FAM221A: variants seen among roughly 807,000 people sequenced by gnomAD.
FAM221A encodes the protein protein FAM221A.
In FAM221A, 43 loss-of-function variants were observed where a neutral mutation model predicts 37.6. The ratio of observed to expected loss-of-function variants is 1.15; its 90% CI spans 0.90 to 1.48. The LOEUF (loss-of-function observed/expected upper bound fraction) is 1.48, where lower values mean the gene tolerates loss of function less well. Among genes scored for constraint, FAM221A ranks in the 40% most tolerant of loss-of-function variants. The pLI, the probability that FAM221A is intolerant of heterozygous loss-of-function variation, is 0.00. For synonymous variants in FAM221A, 135 were observed against 132.9 expected, an observed-to-expected ratio of 1.02 and a Z score of -0.11; for missense variants, 361 against 361.5, an observed-to-expected ratio of 1.00 and a Z score of 0.01.
intron 6 of FAM221A, among the ~76,000 whole-genome samples, 177 bp from the exon 7 acceptor site, chr7:23,701,919 A>C (rs994285215): frequency 6.6e-6 from 1 of 152,236 alleles, no homozygotes; most frequent in Non-Finnish European, 1.5e-5. Context: ...TGTAAAATTA[A>C]AATAAAACCA....
intron 4 of FAM221A, chr7:23,692,304 T>A: frequency 1.7e-6 from 1 of 604,124 alleles, no homozygotes; most frequent in Non-Finnish European, 2.1e-6. Flanking sequence ...TTTTTTCATT[T>A]AAAAATTACA....
intron 1 of FAM221A, 34 bp downstream of exon 1, chr7:23,680,317 G>A: frequency 2.0e-6 from 3 of 1,502,228 alleles, no homozygotes; most frequent in Non-Finnish European, 2.7e-6. Context: ...CCCCCCCGCC[G>A]CTCCGAGGGG....
Position 23,698,187 on chromosome 7 carries a change from C to T in FAM221A, c.638-5C>T. ...ATTTTTATTCTCCATGTATTGTTTT[C>T]TCAGGTGTACCTTCAGTTGAATTTT... On this transcript the variant is annotated splice_region_variant and splice_polypyrimidine_tract_variant and intron_variant, in intron 4 of 6. Transcript: ENST00000344962. 6.9e-7 allele frequency: 1 copy of T among 1,452,662 alleles called. No homozygotes were observed. 90.0% of individuals were successfully genotyped at this position (1,452,662 alleles called of 1,614,324 possible). A position where few individuals can be genotyped will look rare whatever the true frequency, so the allele number is the denominator to read the frequency against.
intron 3 of FAM221A, 98 bp downstream of exon 3, chr7:23,689,557 G>T (rs1784587293): frequency 1.2e-6 from 1 of 817,856 alleles, no homozygotes; most frequent in Non-Finnish European, 1.8e-6. Flanking sequence ...TTAATATTCA[G>T]TTGTATTAGT....
At chr7:23,698,372 G>A (rs902677674) in intron 5 of FAM221A, 73 bp downstream of exon 5, 6 of 788,412 alleles carry the variant, frequency 7.6e-6, no homozygotes, top group Non-Finnish European at 1.3e-5. Flanking sequence ...TGTTTTCTAG[G>A]CATCTCTCTT....
chr7:23,680,236 G>T lies in FAM221A; in HGVS notation c.18G>T (p.Leu6Phe). MERLTLPLGGAAAVDE... is the reference protein window; with the variant it reads MERLTFPLGGAAAVDE... ...CACCGGCAATGGAGCGGTTGACGTT[G>T]CCTCTCGGCGGCGCGGCGGCGGTGG... The change falls in exon 1 of 7, where the codon TTG becomes TTT. Residue 6 changes from leucine to phenylalanine, a missense_variant. By Grantham distance (22) the Leu-to-Phe change is conservative (BLOSUM62 0). Transcript: ENST00000344962. The T allele has an allele frequency of 6.5e-7, 1 of 1,549,724 alleles. No individual in the cohort carries two copies. The highest frequency in any genetic ancestry group is 8.7e-7 in the Non-Finnish European group (1 of 1,146,148).
chr7:23,689,528 T>C (rs1784584977), intron 3 of FAM221A, 69 bp downstream of exon 3: 6 of 1,183,590 alleles, frequency 5.1e-6, no homozygotes, highest in Admixed American at 2.1e-5. Context: ...TTTAACGTGC[T>C]TTTTTACTGG....
intron 2 of FAM221A, chr7:23,686,985 AT>A (rs1006850318): frequency 6.6e-6 from 1 of 152,158 alleles, no homozygotes; most frequent in African/African-American, 2.4e-5. Context: ...GGATTTCTCC[AT>A]GTTGGTCAGG....
chr7:23,682,526 G>A (rs182639385), intron 1 of FAM221A, among the ~76,000 whole-genome samples: 311 of 151,414 alleles, frequency 2.1e-3, no homozygotes, highest in African/African-American at 5.3e-3. Context: ...CTGCCTCCGT[G>A]GAAGTGATTC....
At position 23,689,227 on chromosome 7, in the gene FAM221A, C is replaced by T. The variant is rs767016135; in HGVS notation, c.240-42C>T. 7.3e-5 allele frequency: 95 copies of T among 1,295,702 alleles called. No individual in the cohort carries two copies. In the East Asian group the frequency reaches 2.2e-3, roughly 30 times the overall value. The allele number at this position is 1,295,702 out of a possible 1,614,324, so 80.3% of individuals were successfully genotyped here. The stretch of plus-strand genomic sequence containing the variant: ...ATAGAAATTGTAATTTTTGATAATA[C>T]CTGTATTGTGTTTATATTTCTCTCT... On this transcript the variant is annotated intron_variant, in intron 2 of 6. Coordinates refer to ENST00000344962, the MANE Select transcript of FAM221A (RefSeq NM_199136.5).
chr7:23,697,561 A>T (rs1036527112), intron 4 of FAM221A, among the ~76,000 whole-genome samples: 23 of 152,254 alleles, frequency 1.5e-4, no homozygotes, highest in African/African-American at 5.1e-4. Flanking sequence ...AAATACACTT[A>T]TTCTACCCTT....
At chr7:23,684,739 A>G (rs1251397253) in intron 2 of FAM221A, 67 bp downstream of exon 2, 12 of 1,358,098 alleles carry the variant, frequency 8.8e-6, no homozygotes, top group Admixed American at 2.4e-5. Context: ...TCTTACTTCT[A>G]CAAATCGTAA....
intron 2 of FAM221A, chr7:23,686,267 C>CA (rs777408375): frequency 2.2e-4 from 88 of 391,114 alleles, no homozygotes; most frequent in African/African-American, 1.7e-3. Flanking sequence ...TCCAACTCAA[C>CA]TTTTTTTTTT....
At chr7:23,697,951 G>A (rs541392917) in intron 4 of FAM221A, among the ~76,000 whole-genome samples, 2 of 151,754 alleles carry the variant, frequency 1.3e-5, no homozygotes, top group South Asian at 2.1e-4. Context: ...GTAGAGATGG[G>A]GTCTCCCTAT....
At chr7:23,680,323 A>G in intron 1 of FAM221A, 40 bp downstream of exon 1, 1 of 1,491,724 alleles carries the variant, frequency 6.7e-7, no homozygotes, top group Non-Finnish European at 9.0e-7. Context: ...CGCCGCTCCG[A>G]GGGGCCAGGA....
In FAM221A at chr7:23,684,499, A is replaced by C; in HGVS notation, c.66A>C (p.Arg22Ser). Residue 22 changes from arginine to serine, a missense_variant and splice_region_variant, in exon 2 of 7, where the codon AGA becomes AGC. Coordinates refer to ENST00000344962, the MANE Select transcript of FAM221A (RefSeq NM_199136.5). ...AGAGAAATATATATTTTTGTTGTAG[A>C]ATTGTTGGTGAGGATGATGGAGGGA... is the stretch of plus-strand genomic sequence containing the variant. Reference protein sequence around the residue: ...AAVDEYLEYRRIVGEDDGGKL... With the variant: ...AAVDEYLEYRSIVGEDDGGKL... 1 of 1,582,064 alleles carries C rather than the reference A, an allele frequency of 6.3e-7. No individual in the cohort carries two copies.
At chr7:23,683,888 A>G (rs929841250) in intron 1 of FAM221A, among the ~76,000 whole-genome samples, 2 of 152,216 alleles carry the variant, frequency 1.3e-5, no homozygotes, top group Non-Finnish European at 2.9e-5. Flanking sequence ...GACCAATTCA[A>G]AATTACATAT....
intron 2 of FAM221A, chr7:23,686,306 C>G: frequency 2.3e-6 from 1 of 431,210 alleles, no homozygotes; most frequent in South Asian, 1.6e-5. Context: ...CTCTGTCACT[C>G]AGGTTGGAGT....
Position 23,680,215 on chromosome 7 carries a change from G to T in FAM221A, c.-4G>T, listed in dbSNP as rs772958917. ...CAGGGAAGCCTTTGGCTTCCCCACC[G>T]GCAATGGAGCGGTTGACGTTGCCTC... On this transcript the variant is annotated 5_prime_UTR_variant, in exon 1 of 7. Transcript: ENST00000344962. The T allele has an allele frequency of 2.6e-6, 4 of 1,549,404 alleles. No homozygotes were observed. Among genetic ancestry groups the T allele is most frequent in the Non-Finnish European group, 3.5e-6 (4 of 1,145,878 alleles).
Sources: gnomAD v4.1 joint callset for allele counts (sites outside exome capture counted in the v4.1 genomes callset) on GRCh38, gnomAD v4.1.1 for gene constraint, MANE v1.5 for transcripts, NCBI Gene and HGNC (gene_info 2026-07-23, HGNC 2026-07-21) for gene names.